PPTC7: variants seen among roughly 807,000 people sequenced by gnomAD.
The protein encoded by PPTC7 is protein phosphatase PTC7 homolog.
Under a neutral mutation model 30.8 loss-of-function variants are expected in PPTC7, and 6 were observed. The ratio of observed to expected loss-of-function variants is 0.19; its 90% confidence interval spans 0.11 to 0.38. The LOEUF is 0.38. Ranked by LOEUF, PPTC7 falls within the 10% of genes least tolerant of loss-of-function variation. The probability of loss-of-function intolerance (pLI) is 1.00; values close to 1 mark genes in which losing one functional copy is unlikely to be tolerated. For missense variants in PPTC7, 218 were observed against 404.8 expected, an observed-to-expected ratio of 0.54 and a Z score of 3.96; for synonymous variants, 163 against 168.1, an observed-to-expected ratio of 0.97 and a Z score of 0.23.
At chr12:110,579,370 T>C (rs1390775914) in intron 1 of PPTC7, among the ~76,000 whole-genome samples, 1 of 152,230 alleles carries the variant, frequency 6.6e-6, no homozygotes, top group African/African-American at 2.4e-5. Context: ...ATGTGCATGC[T>C]TGATCTTTGT....
intron 1 of PPTC7, among the ~76,000 whole-genome samples, chr12:110,579,793 A>G (rs2064621208): frequency 6.6e-6 from 1 of 152,156 alleles, no homozygotes; most frequent in Non-Finnish European, 1.5e-5. Context: ...CTGGTGGATC[A>G]CCTGGGGTTA....
chr12:110,571,389 T>A (rs1198943890), intron 1 of PPTC7, among the ~76,000 whole-genome samples: 2 of 151,436 alleles, frequency 1.3e-5, no homozygotes, highest in Non-Finnish European at 2.9e-5. Flanking sequence ...CCACTTACAG[T>A]ATGGAATGAT....
At chr12:110,568,398 G>A (rs551174838) in intron 1 of PPTC7, among the ~76,000 whole-genome samples, 14 of 151,986 alleles carry the variant, frequency 9.2e-5, no homozygotes, top group South Asian at 4.2e-4. Flanking sequence ...GACTACAGGC[G>A]CCTGCCACCA....
chr12:110,548,237 A>T (rs906614464), intron 2 of PPTC7, among the ~76,000 whole-genome samples: 1 of 152,194 alleles, frequency 6.6e-6, no homozygotes, highest in Non-Finnish European at 1.5e-5. Flanking sequence ...CAGAAAAAAA[A>T]TCTGAAAGCA....
intron 2 of PPTC7, 121 bp downstream of exon 2, chr12:110,551,668 C>T: frequency 1.1e-6 from 1 of 918,956 alleles, no homozygotes. Context: ...GTTTCTCTAT[C>T]ACACTCTGCT....
chr12:110,545,909 A>T lies in PPTC7; in HGVS notation c.573T>A (p.Pro191=), dbSNP rs1287337787. 1.2e-6 allele frequency: 2 copies of T among 1,613,712 alleles called. No individual in the cohort carries two copies. Among genetic ancestry groups the T allele is most frequent in the African/African-American group, 2.7e-5 (2 of 74,924 alleles). ...CGCTCAAGACGACTCCCTCGGCTTC[A>T]GGGGGAGCGATTGAGAGCTGGAATG... ...NTPFQLSIAP[P]EAEGVVLSDS... The change falls in exon 3 of 6, where the codon CCT becomes CCA. Residue 191 remains proline, a synonymous_variant. Coordinates refer to ENST00000354300, the MANE Select transcript of PPTC7 (RefSeq NM_139283.2).
intron 3 of PPTC7, 68 bp from the exon 4 acceptor site, chr12:110,540,013 A>C: frequency 6.9e-7 from 1 of 1,442,602 alleles, no homozygotes. Flanking sequence ...AATGTCCTAC[A>C]GGCACTATTT....
Position 110,551,924 on chromosome 12 carries a change from G to T in PPTC7, c.268C>A (p.Pro90Thr). The stretch of plus-strand genomic sequence containing the variant: ...ATTAAAGTCCCTGAGAATTGAGATG[G>T]ATCAACTCCATAGTCTCTCCAGCCT... ...VGGWRDYGVD[P>T]SQFSGTLMRT... is the part of the protein sequence containing the mutation. The change falls in exon 2 of 6, where the codon CCA becomes ACA. Residue 90 changes from proline to threonine, a missense_variant. Physicochemically the swap from Pro to Thr is conservative, Grantham distance 38 (BLOSUM62 -1). Coordinates refer to ENST00000354300, the MANE Select transcript of PPTC7 (RefSeq NM_139283.2). The T allele has an allele frequency of 6.2e-7, 1 of 1,614,062 alleles. No homozygotes were observed. Among genetic ancestry groups the T allele is most frequent in the Non-Finnish European group, 8.5e-7 (1 of 1,179,978 alleles).
intron 1 of PPTC7, among the ~76,000 whole-genome samples, chr12:110,575,607 C>CA (rs55831249): frequency 0.38 from 10,191 of 26,534 alleles, 3,672 homozygotes; most frequent in East Asian, 0.72. Flanking sequence ...AACCCCACCT[C>CA]AAAAAAAAAA....
rs916223238 is a variant in PPTC7, at chr12:110,535,333, T to C, written c.*1704A>G. The C allele has an allele frequency of 1.3e-5, 2 of 152,642 alleles. No individual in the cohort carries two copies. Among genetic ancestry groups the C allele is most frequent in the Admixed American group, 1.3e-4 (2 of 15,272 alleles). 9.5% of individuals were successfully genotyped at this position (152,642 alleles called of 1,614,324 possible). ...GCCAATTTAGGAATAGTAGATAAAT[T>C]ACTGAACGGCTTACAAATGAATAAC... On this transcript the variant is annotated 3_prime_UTR_variant, in exon 6 of 6. Transcript: ENST00000354300.
chr12:110,580,000 C>T (rs1221547143), intron 1 of PPTC7, among the ~76,000 whole-genome samples: 1 of 150,444 alleles, frequency 6.6e-6, no homozygotes, highest in East Asian at 1.9e-4. Flanking sequence ...GCAACAAGAG[C>T]GAAACTCCAT....
chr12:110,553,856 CTTTA>C (rs1233007277), intron 1 of PPTC7, among the ~76,000 whole-genome samples: 1 of 152,090 alleles, frequency 6.6e-6, no homozygotes, highest in Non-Finnish European at 1.5e-5. Context: ...GCTCACCTTT[CTTTA>C]TTTACCTATT....
chr12:110,569,866 CTTTAGT>C (rs1327182935), intron 1 of PPTC7, among the ~76,000 whole-genome samples: 1 of 152,188 alleles, frequency 6.6e-6, no homozygotes. Context: ...TGTCCTTTCA[CTTTAGT>C]TTTAAACACC....
chr12:110,562,279 T>C (rs769339516), intron 1 of PPTC7, among the ~76,000 whole-genome samples: 7 of 73,098 alleles, frequency 9.6e-5, no homozygotes, highest in Non-Finnish European at 1.6e-4. Flanking sequence ...AGATTGAGAC[T>C]CCATCTCAAA....
chr12:110,564,748 TTATATACACATA>T lies in PPTC7; in HGVS notation c.224-12792_224-12781del, dbSNP rs201971219. On this transcript the variant is annotated intron_variant, in intron 1 of 5. Transcript: ENST00000354300. ...TGTCTCTTAATTTCTGAACACTAAT[TTATATACACATA>T]TATATACACGTATATATATACATAC... Among the ~76,000 whole-genome samples, 1,006 of 146,182 alleles carry T rather than the reference TTATATACACATA, an allele frequency of 6.9e-3. 1 individual carries two copies. Among genetic ancestry groups the T allele is most frequent in the Non-Finnish European group, 9.3e-3 (624 of 66,896 alleles).
chr12:110,582,721 C>T (rs1247294979), intron 1 of PPTC7, 88 bp downstream of exon 1: 4 of 1,178,396 alleles, frequency 3.4e-6, no homozygotes, highest in Non-Finnish European at 4.7e-6. Flanking sequence ...CTCCTTTCGC[C>T]GCCGGGAGGA....
rs935788593 is a variant in PPTC7, at chr12:110,535,178, G to C, written c.*1859C>G. On this transcript the variant is annotated 3_prime_UTR_variant, in exon 6 of 6. Coordinates refer to ENST00000354300, the MANE Select transcript of PPTC7 (RefSeq NM_139283.2). ...TAGCATGATGATTTCTCCTTAAATA[G>C]AGACTCCGTCCAGACCCCCCACCCC... 1 of 152,452 alleles carries C rather than the reference G, an allele frequency of 6.6e-6. No individual in the cohort carries two copies. 9.4% of individuals were successfully genotyped at this position (152,452 alleles called of 1,614,324 possible). A position where few individuals can be genotyped will look rare whatever the true frequency, so the allele number is the denominator to read the frequency against.
rs2064211703 is a variant in PPTC7, at chr12:110,535,437, T to C, written c.*1600A>G. The C allele has an allele frequency of 6.6e-6, 1 of 152,618 alleles. No homozygotes were observed. Among genetic ancestry groups the C allele is most frequent in the African/African-American group, 2.4e-5 (1 of 41,444 alleles). 9.5% of individuals were successfully genotyped at this position (152,618 alleles called of 1,614,324 possible). On this transcript the variant is annotated 3_prime_UTR_variant, in exon 6 of 6. Transcript: ENST00000354300. ...GTAATGACATGTACATGGTACATGTTAAACAATTTTAAATAAAAGCCTGAC... is the reference window on the plus strand; with the variant it reads ...GTAATGACATGTACATGGTACATGTCAAACAATTTTAAATAAAAGCCTGAC...
intron 4 of PPTC7, among the ~76,000 whole-genome samples, chr12:110,538,524 GGT>G (rs1282788662): frequency 1.3e-5 from 2 of 152,110 alleles, no homozygotes; most frequent in Admixed American, 1.3e-4. Context: ...AAATTCTTAA[GGT>G]ATTCTTGCTA....
Sources: allele counts gnomAD v4.1 joint callset (sites outside exome capture counted in the v4.1 genomes callset), GRCh38; gene constraint gnomAD v4.1.1; transcripts MANE v1.5; gene names NCBI Gene and HGNC (gene_info 2026-07-23, HGNC 2026-07-21).